Variants in SNRNP200 observed in about 807,000 individuals in gnomAD.
SNRNP200 encodes U5 small nuclear ribonucleoprotein 200 kDa helicase.
In SNRNP200, 66 loss-of-function variants were observed where a neutral mutation model predicts 255.2. The observed-to-expected ratio is 0.26, with a 90% CI of 0.21 to 0.32. The LOEUF (loss-of-function observed/expected upper bound fraction) is 0.32, where lower values mean the gene tolerates loss of function less well. Ranked by LOEUF, SNRNP200 falls within the 10% of genes least tolerant of loss-of-function variation. The pLI is 1.00. For synonymous variants in SNRNP200, 939 were observed against 1,027.8 expected, an observed-to-expected ratio of 0.91 and a Z score of 1.65; for missense variants, 1,585 against 2,749.8, an observed-to-expected ratio of 0.58 and a Z score of 9.47.
Position 96,283,245 on chromosome 2 carries a change from A to G in SNRNP200, c.4871T>C (p.Leu1624Pro). The change falls in exon 34 of 45, where the codon CTC becomes CCC. Residue 1624 changes from leucine (L) to proline (P), a missense_variant. Transcript: ENST00000323853. The surrounding 1 kb of genome is among the most constrained non-coding windows in gnomAD (Gnocchi z 4.7). ...CACCAGGCGTCGCTCCATGGGGCTG[A>G]GCCCCTCATGCAGGTAGCCCACCCC... ...LNGVGYLHEG[L>P]SPMERRLVEQ... The G allele has an allele frequency of 6.2e-7, 1 of 1,614,122 alleles. No homozygotes were observed. The highest frequency in any genetic ancestry group is 8.5e-7 in the Non-Finnish European group (1 of 1,180,036).
chr2:96,285,426 A>C, intron 29 of SNRNP200, 86 bp from the exon 30 acceptor site: 1 of 1,476,410 alleles, frequency 6.8e-7, no homozygotes, highest in South Asian at 1.1e-5. Flanking sequence ...AAAACAAAGG[A>C]CAACATACGA....
chr2:96,280,683 G>A (rs1328840523), intron 35 of SNRNP200, among the ~76,000 whole-genome samples: 2 of 148,978 alleles, frequency 1.3e-5, no homozygotes, highest in Non-Finnish European at 3.0e-5. Context: ...CCAGGTAGCT[G>A]GGATTACAGG....
At position 96,296,933 on chromosome 2, in the gene SNRNP200, A is replaced by T. The variant is rs2104357126; in HGVS notation, c.1515T>A (p.Thr505=). 2 of 1,614,216 alleles carry T rather than the reference A, an allele frequency of 1.2e-6. No individual in the cohort carries two copies. Among genetic ancestry groups the T allele is most frequent in the East Asian group, 4.5e-5 (2 of 44,888 alleles). The change falls in exon 12 of 45, where the codon ACT becomes ACA. Residue 505 remains threonine (T), a splice_region_variant and synonymous_variant. Coordinates refer to ENST00000323853, the MANE Select transcript of SNRNP200 (RefSeq NM_014014.5). ...TDENLLLCAP[T]GAGKTNVALM... ...AAACAGCAGGCAGGGTGGCGCTTAC[A>T]GTAGGAGCACACAGCAGCAGATTCT...
chr2:96,281,798 C>T lies in SNRNP200; in HGVS notation c.5024+16G>A. 6.4e-7 allele frequency: 1 copy of T among 1,559,104 alleles called. No individual in the cohort carries two copies. Among genetic ancestry groups the T allele is most frequent in the South Asian group, 1.1e-5 (1 of 90,052 alleles). ...GAAGGAGGTCTGTGCTAACACAGAG[C>T]ACCAGTTGTACTCACGCGTGGATCT... On this transcript the variant is annotated intron_variant, in intron 35 of 44. Transcript: ENST00000323853.
chr2:96,284,730 T>C (rs1171299899), intron 30 of SNRNP200, 145 bp from the exon 31 acceptor site: 3 of 671,912 alleles, frequency 4.5e-6, no homozygotes, highest in Non-Finnish European at 8.0e-6. Flanking sequence ...CTCTATGCGA[T>C]GCGATGGGGC....
At position 96,297,652 on chromosome 2, in the gene SNRNP200, G is replaced by A. The variant is rs781508595; in HGVS notation, c.1188C>T (p.Leu396=). Residue 396 remains leucine (L), a synonymous_variant, in exon 10 of 45, where the codon CTC becomes CTT. Transcript: ENST00000323853. ...TGGATCCTACCTCTCCACCCTGGTC[G>A]AGATCCATGGTTTCCAGATCTGTGT... ...RMDTDLETMD[L]DQGGEALAPR... is the part of the protein sequence containing the mutation. 31 of 1,614,084 alleles carry A rather than the reference G, an allele frequency of 1.9e-5. No homozygotes were observed. In the East Asian group the frequency reaches 3.6e-4, roughly 19 times the overall value.
At chr2:96,276,102 A>G (rs1057454564) in intron 43 of SNRNP200, among the ~76,000 whole-genome samples, 1 of 152,272 alleles carries the variant, frequency 6.6e-6, no homozygotes, top group Non-Finnish European at 1.5e-5. Flanking sequence ...GCTGTCACAA[A>G]GACGAAGAGT....
In SNRNP200 at chr2:96,283,145, T is replaced by C. The variant is rs1558764937; in HGVS notation, c.4915+56A>G. 2 of 1,608,108 alleles carry C rather than the reference T, an allele frequency of 1.2e-6. No homozygotes were observed. On this transcript the variant is annotated intron_variant, in intron 34 of 44. Transcript: ENST00000323853. The surrounding 1 kb of genome is among the most constrained non-coding windows in gnomAD (Gnocchi z 4.7). ...CACTGCCACCCGCACCCCTCAAGTTTAACACCACCACTTGGTGATACCCTT... is the reference window on the plus strand; with the variant it reads ...CACTGCCACCCGCACCCCTCAAGTTCAACACCACCACTTGGTGATACCCTT...
At chr2:96,301,196 T>TGA (rs561882438) in intron 4 of SNRNP200, 143 bp from the exon 5 acceptor site, 21 of 774,050 alleles carry the variant, frequency 2.7e-5, no homozygotes, top group Admixed American at 8.0e-5. Flanking sequence ...ATGATCAACA[T>TGA]GAGAGAGCCA....
In SNRNP200 at chr2:96,281,369, A is replaced by G. The variant is rs1237238197; in HGVS notation, c.5024+445T>C. On this transcript the variant is annotated intron_variant, in intron 35 of 44. Transcript: ENST00000323853. ...TTTTAGTAGAGACGGGGGTTTCACT[A>G]TGTTAGCCACACTGGTCTTGAACTC... 3.3e-5 allele frequency: 7 copies of G among 209,350 alleles called. No individual in the cohort carries two copies. In the South Asian group the frequency reaches 4.1e-4, roughly 12 times the overall value. The allele number at this position is 209,350 out of a possible 1,614,324, so 13.0% of individuals were successfully genotyped here. A position where few individuals can be genotyped will look rare whatever the true frequency, so the allele number is the denominator to read the frequency against.
At chr2:96,298,785 A>T in intron 7 of SNRNP200, 30 bp downstream of exon 7, 2 of 1,614,162 alleles carry the variant, frequency 1.2e-6, no homozygotes, top group Non-Finnish European at 1.7e-6. Flanking sequence ...AGATACACTA[A>T]ATATACAACT....
Position 96,278,650 on chromosome 2 carries a change from G to A in SNRNP200, c.5385C>T (p.Asp1795=). 1 of 1,614,224 alleles carries A rather than the reference G, an allele frequency of 6.2e-7. No individual in the cohort carries two copies. Among genetic ancestry groups the A allele is most frequent in the South Asian group, 1.1e-5 (1 of 91,088 alleles). Residue 1795 remains aspartate (D), a synonymous_variant, in exon 38 of 45, where the codon GAC becomes GAT. Coordinates refer to ENST00000323853, the MANE Select transcript of SNRNP200 (RefSeq NM_014014.5). This position sits in a 1 kb window ranked among gnomAD's most constrained non-coding sequence, Gnocchi z 6.9. ...LSELVEQTLS[D]LEQSKCISIE... is the part of the protein sequence containing the mutation. ...TGCTGATGCACTTGGACTGCTCCAGGTCACTCAGGGTCTGCTCCACCAGCT... is the reference window on the plus strand; with the variant it reads ...TGCTGATGCACTTGGACTGCTCCAGATCACTCAGGGTCTGCTCCACCAGCT...
chr2:96,292,682 C>T lies in SNRNP200; in HGVS notation c.2160+290G>A, dbSNP rs529774898. On this transcript the variant is annotated intron_variant, in intron 16 of 44. Transcript: ENST00000323853. ...ACTCTCTAATAGTTGTAGGGCTCTT[C>T]ATGTTATCTATTTCATCTGGGCTGA... Among the ~76,000 whole-genome samples the T allele has an allele frequency of 2.0e-5, 3 of 152,306 alleles. No individual in the cohort carries two copies. The East Asian group carries it at 5.8e-4, about 29-fold the overall frequency.
chr2:96,289,476 T>G, intron 21 of SNRNP200, 97 bp from the exon 22 acceptor site: 2 of 1,347,648 alleles, frequency 1.5e-6, no homozygotes, highest in Non-Finnish European at 2.1e-6. Flanking sequence ...TTTTTGTACT[T>G]TTTTTTTGGT....
At chr2:96,298,496 G>C in intron 8 of SNRNP200, 76 bp from the exon 9 acceptor site, 2 of 1,610,650 alleles carry the variant, frequency 1.2e-6, no homozygotes, top group Non-Finnish European at 1.7e-6. Context: ...GTAGAAAGAA[G>C]AAAAATAAAA....
At chr2:96,279,179 G>A (rs1684718859) in intron 36 of SNRNP200, 181 bp from the exon 37 acceptor site, 3 of 671,110 alleles carry the variant, frequency 4.5e-6, no homozygotes, top group Admixed American at 4.4e-5. Context: ...CAGAGGTACA[G>A]CAAGTCACGA....
chr2:96,287,815 G>T lies in SNRNP200; in HGVS notation c.3365+48C>A. ...GGCTTTCCCATCAGACCCTTGGGTTGGGGACCCCCACTCATGGTGACCAGC... is the reference window on the plus strand; with the variant it reads ...GGCTTTCCCATCAGACCCTTGGGTTTGGGACCCCCACTCATGGTGACCAGC... On this transcript the variant is annotated intron_variant, in intron 25 of 44. Transcript: ENST00000323853. This position sits in a 1 kb window ranked among gnomAD's most constrained non-coding sequence, Gnocchi z 5.7. The T allele has an allele frequency of 6.6e-7, 1 of 1,521,630 alleles. No homozygotes were observed. Among genetic ancestry groups the T allele is most frequent in the South Asian group, 1.1e-5 (1 of 89,230 alleles). The allele number at this position is 1,521,630 out of a possible 1,614,324, so 94.3% of individuals were successfully genotyped here. A position where few individuals can be genotyped will look rare whatever the true frequency, so the allele number is the denominator to read the frequency against.
intron 24 of SNRNP200, 60 bp downstream of exon 24, chr2:96,288,602 GC>G: frequency 7.0e-7 from 1 of 1,422,286 alleles, no homozygotes; most frequent in Non-Finnish European, 9.9e-7. Flanking sequence ...GATGCACACA[GC>G]ACACAGGGAT....
chr2:96,294,008 T>C (rs1296708820), intron 14 of SNRNP200, among the ~76,000 whole-genome samples: 2 of 152,112 alleles, frequency 1.3e-5, no homozygotes, highest in African/African-American at 4.8e-5. Flanking sequence ...AAATCCTGCA[T>C]TTCTAACAAG....
Sources: gnomAD v4.1 joint callset for allele counts (sites outside exome capture counted in the v4.1 genomes callset) on GRCh38, gnomAD v4.1.1 for gene constraint, Gnocchi (gnomAD v3.1) non-coding constraint, MANE v1.5 for transcripts, NCBI Gene and HGNC (gene_info 2026-07-23, HGNC 2026-07-21) for gene names.